Variants in ATOSA observed in about 807,000 individuals in gnomAD.
ATOSA encodes atos homolog A, also known as atos homolog protein A.
the ATOSA span, among the ~76,000 whole-genome samples, chr15:52,637,035 T>A: frequency 6.6e-6 from 1 of 152,134 alleles, no homozygotes; most frequent in Non-Finnish European, 1.5e-5. Flanking sequence ...ACAGTAACTA[T>A]CCAACCACCT....
At chr15:52,685,193 T>C in the ATOSA span, among the ~76,000 whole-genome samples, 1 of 152,226 alleles carries the variant, frequency 6.6e-6, no homozygotes, top group Non-Finnish European at 1.5e-5. Flanking sequence ...AAGTGATGCC[T>C]TTTAGCGGTG....
the ATOSA span, among the ~76,000 whole-genome samples, chr15:52,682,721 A>G: frequency 6.6e-6 from 1 of 152,270 alleles, no homozygotes; most frequent in Non-Finnish European, 1.5e-5. Context: ...GTAGAATTAA[A>G]ATGTATAAAT....
At chr15:52,612,490 A>T in the ATOSA span, among the ~76,000 whole-genome samples, 1 of 139,548 alleles carries the variant, frequency 7.2e-6, no homozygotes, top group South Asian at 2.3e-4. Flanking sequence ...TAAACGCTCA[A>T]AATAAACAAG....
the ATOSA span, among the ~76,000 whole-genome samples, chr15:52,701,634 G>A: frequency 6.6e-6 from 1 of 152,066 alleles, no homozygotes; most frequent in African/African-American, 2.4e-5. Flanking sequence ...GAAGAAAACA[G>A]GCAAATTTCT....
the ATOSA span, among the ~76,000 whole-genome samples, chr15:52,588,077 C>T: frequency 2.6e-5 from 4 of 152,108 alleles, no homozygotes; most frequent in East Asian, 7.7e-4. Flanking sequence ...TATCAGGAGT[C>T]CTCCAGTTAG....
chr15:52,613,908 G>T, the ATOSA span: 1 of 1,455,600 alleles, frequency 6.9e-7, no homozygotes, highest in South Asian at 1.2e-5. Flanking sequence ...CTCTTAGTAA[G>T]AACTCATCTG....
the ATOSA span, among the ~76,000 whole-genome samples, chr15:52,671,468 T>C: frequency 6.6e-6 from 1 of 152,178 alleles, no homozygotes; most frequent in Non-Finnish European, 1.5e-5. Flanking sequence ...TAAACACCTA[T>C]GCACCTACCA....
At chr15:52,681,758 CTCA>C in the ATOSA span, among the ~76,000 whole-genome samples, 1 of 151,720 alleles carries the variant, frequency 6.6e-6, no homozygotes, top group Non-Finnish European at 1.5e-5. Flanking sequence ...AAAAAGTTAA[CTCA>C]TCTTCAGCAA....
At chr15:52,637,832 C>T in the ATOSA span, among the ~76,000 whole-genome samples, 1 of 152,136 alleles carries the variant, frequency 6.6e-6, no homozygotes, top group Non-Finnish European at 1.5e-5. Flanking sequence ...AAGCTAATAA[C>T]CAGTGACTTC....
At chr15:52,684,168 T>A in the ATOSA span, among the ~76,000 whole-genome samples, 1 of 152,326 alleles carries the variant, frequency 6.6e-6, no homozygotes, top group East Asian at 1.9e-4. Flanking sequence ...GCTATAGTCA[T>A]CTGTGGTTAT....
chr15:52,678,314 T>G, the ATOSA span: 2 of 581,462 alleles, frequency 3.4e-6, no homozygotes, highest in Non-Finnish European at 6.1e-6. Context: ...TCCCTGCCTC[T>G]GTGCTCTCCA....
the ATOSA span, among the ~76,000 whole-genome samples, chr15:52,662,015 C>T: frequency 2.0e-5 from 3 of 149,152 alleles, no homozygotes; most frequent in Non-Finnish European, 4.4e-5. Context: ...CCAAAATTAT[C>T]GAATCTAATC....
chr15:52,634,222 C>T, the ATOSA span, among the ~76,000 whole-genome samples: 1 of 152,068 alleles, frequency 6.6e-6, no homozygotes, highest in Non-Finnish European at 1.5e-5. Flanking sequence ...CACCTGAGGT[C>T]AGGAGTTCAA....
chr15:52,655,347 G>A, the ATOSA span, among the ~76,000 whole-genome samples: 1 of 152,246 alleles, frequency 6.6e-6, no homozygotes, highest in African/African-American at 2.4e-5. Flanking sequence ...CTTGTAACAT[G>A]GAAAAATAGG....
At chr15:52,646,217 TA>T in the ATOSA span, among the ~76,000 whole-genome samples, 1 of 152,120 alleles carries the variant, frequency 6.6e-6, no homozygotes, top group Non-Finnish European at 1.5e-5. Context: ...CCTGGAGAAA[TA>T]AAAAGTGGAC....
chr15:52,665,964 T>C, the ATOSA span, among the ~76,000 whole-genome samples: 24 of 152,100 alleles, frequency 1.6e-4, no homozygotes, highest in Non-Finnish European at 2.8e-4. Flanking sequence ...AAACAGTATA[T>C]ATGGTTTAAT....
chr15:52,697,957 ATTTTTTTTTTTTTTTTTTTTTTT>A, the ATOSA span, among the ~76,000 whole-genome samples: 5 of 44,738 alleles, frequency 1.1e-4, no homozygotes, highest in African/African-American at 3.4e-4. Context: ...GGGATGTAGA[ATTTTTTTTTTTTTTTTTTTTTTT>A]TTTTTTTTTT....
chr15:52,623,602 T>C, the ATOSA span, among the ~76,000 whole-genome samples: 3 of 151,982 alleles, frequency 2.0e-5, no homozygotes, highest in Non-Finnish European at 4.4e-5. Context: ...AATAGGAAGT[T>C]TCCAGGAGTG....
chr15:52,628,860 AT>A, the ATOSA span, among the ~76,000 whole-genome samples: 4 of 152,160 alleles, frequency 2.6e-5, no homozygotes, highest in Admixed American at 2.6e-4. Context: ...ATTTCCATCT[AT>A]TTTATGCAAC....
Sources: gnomAD v4.1 joint callset for allele counts (sites outside exome capture counted in the v4.1 genomes callset) on GRCh38, gnomAD v4.1.1 for gene constraint, MANE v1.5 for transcripts, NCBI Gene and HGNC (gene_info 2026-07-23, HGNC 2026-07-21) for gene names.